The following SLC14A2 variants were observed in gnomAD, a reference collection of about 807,000 sequenced individuals.
SLC14A2 encodes the protein urea transporter 2.
A neutral mutation model predicts 104.6 loss-of-function variants in SLC14A2; 91 were observed. The ratio of observed to expected loss-of-function variants is 0.87; its 90% CI spans 0.73 to 1.04. The LOEUF (loss-of-function observed/expected upper bound fraction) is 1.04, where lower values mean the gene tolerates loss of function less well. Ranked by LOEUF, SLC14A2 falls within the 50% of genes least tolerant of loss-of-function variation. SLC14A2 has a pLI of 0.00. For synonymous variants in SLC14A2, 476 were observed against 466.4 expected, an observed-to-expected ratio of 1.02 and a Z score of -0.27; for missense variants, 1,189 against 1,156.0, an observed-to-expected ratio of 1.03 and a Z score of -0.41.
chr18:45,406,088 A>G (rs950318642), intron 1 of SLC14A2, among the ~76,000 whole-genome samples: 26 of 152,314 alleles, frequency 1.7e-4, no homozygotes, highest in African/African-American at 6.3e-4. Context: ...GAATTTTTCT[A>G]CAGTATGTGA....
At chr18:45,360,338 C>T (rs2085598060) in intron 1 of SLC14A2, among the ~76,000 whole-genome samples, 1 of 152,226 alleles carries the variant, frequency 6.6e-6, no homozygotes. Flanking sequence ...CAGAAAGAGA[C>T]TCAAGGGTCT....
At chr18:45,347,061 T>A (rs1598704835) in intron 1 of SLC14A2, among the ~76,000 whole-genome samples, 1 of 152,024 alleles carries the variant, frequency 6.6e-6, no homozygotes, top group Non-Finnish European at 1.5e-5. Flanking sequence ...TTTTCTTTTT[T>A]AAAAAGTTTT....
At chr18:45,349,920 T>C (rs886113776) in intron 1 of SLC14A2, among the ~76,000 whole-genome samples, 1 of 152,260 alleles carries the variant, frequency 6.6e-6, no homozygotes. Flanking sequence ...GCAGGAAACA[T>C]TGACTACTTC....
intron 1 of SLC14A2, among the ~76,000 whole-genome samples, chr18:45,403,069 T>C (rs2086113387): frequency 6.6e-6 from 1 of 152,214 alleles, no homozygotes; most frequent in Non-Finnish European, 1.5e-5. Context: ...TTTCTCACAG[T>C]TCTGAGGCTG....
chr18:45,501,692 C>A lies in SLC14A2; in HGVS notation c.-35+18370C>A, dbSNP rs545386918. ...CAGTCAAGGTCCGATAATGAATTAC[C>A]CAGTCAGAGCAGGACTGGAAGTGAC... On this transcript the variant is annotated intron_variant, in intron 2 of 20. Transcript: ENST00000586448. Among the ~76,000 whole-genome samples the A allele has an allele frequency of 3.3e-5, 5 of 152,222 alleles. No individual in the cohort carries two copies. In the East Asian group the frequency reaches 9.7e-4, roughly 29 times the overall value.
intron 5 of SLC14A2, chr18:45,634,998 T>A: frequency 6.0e-6 from 2 of 330,906 alleles, no homozygotes; most frequent in East Asian, 9.0e-5. Context: ...ATAGAGGCAA[T>A]ATAACTTGTT....
chr18:45,643,272 GAGCGGGTAATGGT>G, intron 9 of SLC14A2, 91 bp downstream of exon 9: 1 of 1,148,742 alleles, frequency 8.7e-7, no homozygotes, highest in Non-Finnish European at 1.3e-6. Flanking sequence ...AAGGAACATT[GAGCGGGTAATGGT>G]AGCTGGTGCT....
the SLC14A2 span, among the ~76,000 whole-genome samples, chr18:45,183,495 A>T: frequency 5.9e-5 from 9 of 152,066 alleles, no homozygotes; most frequent in Non-Finnish European, 1.2e-4. Flanking sequence ...CAAGCCACTG[A>T]TGTTGATCAT....
intron 9 of SLC14A2, among the ~76,000 whole-genome samples, chr18:45,643,615 T>C (rs1296155340): frequency 6.6e-6 from 1 of 152,160 alleles, no homozygotes; most frequent in Non-Finnish European, 1.5e-5. Flanking sequence ...TCACTGCAGC[T>C]CCAACCTCCC....
chr18:45,477,056 G>A (rs964151835), intron 1 of SLC14A2, among the ~76,000 whole-genome samples: 3 of 152,146 alleles, frequency 2.0e-5, no homozygotes, highest in Non-Finnish European at 4.4e-5. Flanking sequence ...TTGGAGAAGA[G>A]GAGTTCTGGT....
intron 1 of SLC14A2, among the ~76,000 whole-genome samples, chr18:45,311,226 T>A (rs1249298906): frequency 6.6e-6 from 1 of 152,230 alleles, no homozygotes; most frequent in Non-Finnish European, 1.5e-5. Flanking sequence ...GTCAGAAGGC[T>A]GTGGTAGGGA....
chr18:45,596,094 C>T (rs1193348808), intron 2 of SLC14A2, among the ~76,000 whole-genome samples: 3 of 152,212 alleles, frequency 2.0e-5, no homozygotes, highest in Non-Finnish European at 4.4e-5. Flanking sequence ...GTTCACAAGG[C>T]ACCTCTCCTC....
chr18:45,440,089 G>A (rs1263201863), intron 1 of SLC14A2, among the ~76,000 whole-genome samples: 1 of 152,124 alleles, frequency 6.6e-6, no homozygotes, highest in Non-Finnish European at 1.5e-5. Flanking sequence ...TGTGTAGGTT[G>A]ATCAAATCAT....
At chr18:45,619,951 G>A (rs1455961026) in intron 1 of SLC14A2, among the ~76,000 whole-genome samples, 1 of 152,186 alleles carries the variant, frequency 6.6e-6, no homozygotes, top group Non-Finnish European at 1.5e-5. Context: ...GAGACATGGA[G>A]GCCCACGCGG....
Position 45,669,874 on chromosome 18 carries a change from T to G in SLC14A2, c.2229+376T>G, listed in dbSNP as rs189522105. ...TTACAGCTTGCGTTGTGCATTTTCT[T>G]TCATTCAATCACACGGAATCATTCA... On this transcript the variant is annotated intron_variant, in intron 16 of 19. Transcript: ENST00000255226. Among the ~76,000 whole-genome samples, 45 of 152,366 alleles carry G rather than the reference T, an allele frequency of 3.0e-4. 1 individual carries two copies. The East Asian group carries it at 4.4e-3, about 15-fold the overall frequency.
rs537608264 is a variant in SLC14A2 at position 45,487,315 on chromosome 18, C to CA, written c.-35+3994dup. 1.4e-4 allele frequency among the ~76,000 whole-genome samples: 22 copies of CA among 152,318 alleles called. No homozygotes were observed. The South Asian group carries it at 4.6e-3, about 32-fold the overall frequency. ...CTGGCCACAGCCAAGAAAGGTTTTC[C>CA]ACTTTTAAGGGCTCATATGATTAGG... On this transcript the variant is annotated intron_variant, in intron 2 of 20. Coordinates refer to the SLC14A2 transcript ENST00000586448.
intron 2 of SLC14A2, among the ~76,000 whole-genome samples, chr18:45,524,564 C>A (rs538559838): frequency 6.6e-6 from 1 of 152,310 alleles, no homozygotes; most frequent in South Asian, 2.1e-4. Context: ...GTACCCTGAA[C>A]ATAGTTCCCT....
rs116554055 is a variant in SLC14A2, at chr18:45,502,645, G to A, written c.-35+19323G>A. Among the ~76,000 whole-genome samples the A allele has an allele frequency of 2.8e-3, 423 of 152,272 alleles. 1 individual carries two copies. Among genetic ancestry groups the A allele is most frequent in the African/African-American group, 9.7e-3 (402 of 41,556 alleles). On this transcript the variant is annotated intron_variant, in intron 2 of 20. Coordinates refer to the SLC14A2 transcript ENST00000586448. Reference sequence around the variant, plus strand: ...ATTCATAAAGCAAAGGAACAGCTCCGGACCTCTGCAATCACTGGGAATAGT... The same window carrying A: ...ATTCATAAAGCAAAGGAACAGCTCCAGACCTCTGCAATCACTGGGAATAGT...
intron 1 of SLC14A2, among the ~76,000 whole-genome samples, chr18:45,444,943 T>C (rs2086740678): frequency 6.6e-6 from 1 of 152,160 alleles, no homozygotes; most frequent in Non-Finnish European, 1.5e-5. Context: ...AGCCAGTATC[T>C]AATACAATGA....
Sources: gnomAD v4.1 joint callset for allele counts (sites outside exome capture counted in the v4.1 genomes callset) on GRCh38, gnomAD v4.1.1 for gene constraint, MANE v1.5 for transcripts, NCBI Gene and HGNC (gene_info 2026-07-23, HGNC 2026-07-21) for gene names.